SRGAP1: variants seen among roughly 807,000 people sequenced by gnomAD.
The protein encoded by SRGAP1 is SLIT-ROBO Rho GTPase activating protein 1, also known as SLIT-ROBO Rho GTPase-activating protein 1.
In SRGAP1, 43 loss-of-function variants were observed where a neutral mutation model predicts 121.9. The ratio of observed to expected loss-of-function variants is 0.35; its 90% CI spans 0.28 to 0.46. The LOEUF is 0.46. Ranked by LOEUF, SRGAP1 falls within the 20% of genes least tolerant of loss-of-function variation. SRGAP1 has a pLI of 1.00. For synonymous variants in SRGAP1, 447 were observed against 485.4 expected, an observed-to-expected ratio of 0.92 and a Z score of 1.04; for missense variants, 1,102 against 1,350.9, an observed-to-expected ratio of 0.82 and a Z score of 2.89.
chr12:64,094,297 G>A (rs1177066757), intron 12 of SRGAP1, among the ~76,000 whole-genome samples: 1 of 152,166 alleles, frequency 6.6e-6, no homozygotes, highest in Non-Finnish European at 1.5e-5. Context: ...TTTACAAGAT[G>A]TGGGGAAAGA....
chr12:63,967,883 A>C (rs1037269101), intron 1 of SRGAP1, among the ~76,000 whole-genome samples: 1 of 152,360 alleles, frequency 6.6e-6, no homozygotes, highest in East Asian at 1.9e-4. Context: ...CCTGAGAAAC[A>C]GTTCCAGTAA....
chr12:63,893,413 T>C (rs1900651726), intron 1 of SRGAP1, among the ~76,000 whole-genome samples: 2 of 152,226 alleles, frequency 1.3e-5, no homozygotes, highest in South Asian at 4.1e-4. Context: ...TGTACTGTTC[T>C]TTATTAATAA....
At chr12:63,939,334 C>T (rs749893490) in intron 1 of SRGAP1, among the ~76,000 whole-genome samples, 4 of 151,956 alleles carry the variant, frequency 2.6e-5, no homozygotes, top group Non-Finnish European at 5.9e-5. Context: ...CAGCAAGTTC[C>T]AGTGAGACTA....
At chr12:64,052,012 A>C (rs1432745928) in intron 6 of SRGAP1, among the ~76,000 whole-genome samples, 1 of 152,212 alleles carries the variant, frequency 6.6e-6, no homozygotes, top group African/African-American at 2.4e-5. Context: ...ATCAAGTCCA[A>C]GTTAAAAATA....
chr12:64,119,530 G>A (rs917694870), intron 18 of SRGAP1, among the ~76,000 whole-genome samples: 1 of 151,934 alleles, frequency 6.6e-6, no homozygotes, highest in African/African-American at 2.4e-5. Context: ...GTTATTTAAT[G>A]TCTCCCAAAT....
chr12:63,913,480 T>TATGG (rs1555238831), intron 1 of SRGAP1, among the ~76,000 whole-genome samples: 1,428 of 108,582 alleles, frequency 0.013, 29 homozygotes, highest in African/African-American at 0.043. Flanking sequence ...TATATATGGA[T>TATGG]ATATATATAT....
chr12:63,866,638 T>A (rs1016805656), intron 1 of SRGAP1, among the ~76,000 whole-genome samples: 2 of 152,010 alleles, frequency 1.3e-5, no homozygotes, highest in Non-Finnish European at 2.9e-5. Flanking sequence ...AATGGCAAAA[T>A]TTGTATTTAT....
chr12:64,062,837 T>G, intron 6 of SRGAP1, 80 bp from the exon 7 acceptor site: 2 of 1,063,216 alleles, frequency 1.9e-6, no homozygotes, highest in South Asian at 1.6e-5. Flanking sequence ...TCTGAGAGTT[T>G]TATAGCTGTA....
Position 63,893,447 on chromosome 12 carries a change from A to G in SRGAP1, c.67+48564A>G, listed in dbSNP as rs531294097. Among the ~76,000 whole-genome samples, 35 of 152,328 alleles carry G rather than the reference A, an allele frequency of 2.3e-4. 1 individual carries two copies. In the South Asian group the frequency reaches 7.0e-3, roughly 31 times the overall value. On this transcript the variant is annotated intron_variant, in intron 1 of 21. Coordinates refer to ENST00000355086, the MANE Select transcript of SRGAP1 (RefSeq NM_020762.4). ...AACTCTGCAAGGTGGCAAGGGTTTC[A>G]GGGAAAAGAATAAAGTAAGTTTCGG...
At chr12:63,905,262 T>C (rs772017284) in intron 1 of SRGAP1, among the ~76,000 whole-genome samples, 3 of 152,114 alleles carry the variant, frequency 2.0e-5, no homozygotes, top group African/African-American at 4.8e-5. Flanking sequence ...AAAAACAAAA[T>C]GTTATGATCA....
At chr12:63,943,430 C>A (rs1270545208) in intron 1 of SRGAP1, among the ~76,000 whole-genome samples, 1 of 152,168 alleles carries the variant, frequency 6.6e-6, no homozygotes, top group Non-Finnish European at 1.5e-5. Flanking sequence ...TAGGCATTAG[C>A]ATGTTAATTC....
Position 64,145,802 on chromosome 12 carries a change from CAG to C in SRGAP1, c.*3131_*3132del, listed in dbSNP as rs1352205744. On this transcript the variant is annotated 3_prime_UTR_variant, in exon 22 of 22. Coordinates refer to ENST00000355086, the MANE Select transcript of SRGAP1 (RefSeq NM_020762.4). ...AGCACACAGGGGAGGTGGGAAGACA[CAG>C]GGAAACGAGAGAAGAAGGATAATGA... The C allele has an allele frequency of 6.6e-6, 1 of 152,160 alleles. No individual in the cohort carries two copies. The highest frequency in any genetic ancestry group is 1.5e-5 in the Non-Finnish European group (1 of 68,068). 9.4% of individuals were successfully genotyped at this position (152,160 alleles called of 1,614,324 possible). A position where few individuals can be genotyped will look rare whatever the true frequency, so the allele number is the denominator to read the frequency against.
intron 1 of SRGAP1, among the ~76,000 whole-genome samples, chr12:63,891,807 T>G (rs1900590134): frequency 6.6e-6 from 1 of 151,654 alleles, no homozygotes; most frequent in Non-Finnish European, 1.5e-5. Context: ...GCCAACATAG[T>G]AAAACCCCAT....
At position 63,955,522 on chromosome 12, in the gene SRGAP1, A is replaced by G. The variant is rs2032437510; in HGVS notation, c.68-28425A>G. Among the ~76,000 whole-genome samples the G allele has an allele frequency of 2.0e-5, 3 of 152,156 alleles. No individual in the cohort carries two copies. In the South Asian group the frequency reaches 6.2e-4, roughly 32 times the overall value. On this transcript the variant is annotated intron_variant, in intron 1 of 21. Coordinates refer to ENST00000355086, the MANE Select transcript of SRGAP1 (RefSeq NM_020762.4). The stretch of plus-strand genomic sequence containing the variant: ...CTCATGCCAGTTCTTTGTAAAGGTC[A>G]TTATAAATACCCACTTGACTGAATA...
In SRGAP1 at chr12:64,063,004, G is replaced by C. The variant is rs1565663350; in HGVS notation, c.889G>C (p.Glu297Gln). ...AEYNLETSRH[E>Q]GLDIIENAVD... ...GTACAACCTTGAAACCTCCAGACAT[G>C]AGGGCTTAGACATTATTGAGAATGC... The change falls in exon 7 of 22, where the codon GAG becomes CAG. Residue 297 changes from glutamate to glutamine, a missense_variant. By Grantham distance (29) the Glu-to-Gln change is conservative. This residue lies in a region of SRGAP1 where 747 missense variants were observed against 929.4 expected (regional missense o/e 0.80). Transcript: ENST00000355086. 6.2e-7 allele frequency: 1 copy of C among 1,614,070 alleles called. No individual in the cohort carries two copies. Among genetic ancestry groups the C allele is most frequent in the South Asian group, 1.1e-5 (1 of 91,082 alleles).
Position 64,151,076 on chromosome 12 carries a change from A to G in SRGAP1, c.*8404A>G, listed in dbSNP as rs961774545. The G allele has an allele frequency of 2.0e-5, 3 of 152,050 alleles. No individual in the cohort carries two copies. The highest frequency in any genetic ancestry group is 4.4e-5 in the Non-Finnish European group (3 of 67,992). The allele number at this position is 152,050 out of a possible 1,614,324, so 9.4% of individuals were successfully genotyped here. The stretch of plus-strand genomic sequence containing the variant: ...ATGCATTAGGAAAAGAAGGAAAAGA[A>G]ATTTTAAGTAAGCCAAAAATCTATT... On this transcript the variant is annotated 3_prime_UTR_variant, in exon 22 of 22. Transcript: ENST00000355086.
intron 1 of SRGAP1, among the ~76,000 whole-genome samples, chr12:63,896,655 A>C (rs1900763135): frequency 6.6e-6 from 1 of 152,198 alleles, no homozygotes; most frequent in South Asian, 2.1e-4. Flanking sequence ...AGTATTAGTA[A>C]ATGATGTTTA....
Position 64,144,664 on chromosome 12 carries a change from C to G in SRGAP1, c.*1992C>G, listed in dbSNP as rs1418292109. 2.0e-5 allele frequency: 3 copies of G among 151,852 alleles called. No homozygotes were observed. Among genetic ancestry groups the G allele is most frequent in the Non-Finnish European group, 2.9e-5 (2 of 68,006 alleles). The allele number at this position is 151,852 out of a possible 1,614,324, so 9.4% of individuals were successfully genotyped here. On this transcript the variant is annotated 3_prime_UTR_variant, in exon 22 of 22. Coordinates refer to ENST00000355086, the MANE Select transcript of SRGAP1 (RefSeq NM_020762.4). ...TTTTTGCCCATTTTGAAAAAGAAGC[C>G]CAGGACAGCACCTTGTCTAGCCCCT...
At chr12:64,139,376 G>GAATT (rs2036920991) in intron 21 of SRGAP1, among the ~76,000 whole-genome samples, 1 of 152,198 alleles carries the variant, frequency 6.6e-6, no homozygotes, top group Admixed American at 6.5e-5. Flanking sequence ...ATGAATGAAT[G>GAATT]AAGCCAGATT....
Sources: gnomAD v4.1 joint callset for allele counts (sites outside exome capture counted in the v4.1 genomes callset) on GRCh38, gnomAD v4.1.1 for gene constraint, gnomAD v4.1.1 regional missense constraint, MANE v1.5 for transcripts, NCBI Gene and HGNC (gene_info 2026-07-23, HGNC 2026-07-21) for gene names.